ERMAP: variants seen among roughly 807,000 people sequenced by gnomAD.
ERMAP encodes erythroblast membrane associated protein (Scianna blood group).
Under a neutral mutation model 49.5 loss-of-function variants are expected in ERMAP, and 34 were observed. That is an observed-to-expected ratio of 0.69 (90% CI 0.52 to 0.91). ERMAP has a LOEUF of 0.91. Among genes scored for constraint, ERMAP ranks in the 40% least tolerant of loss-of-function variants. The probability of loss-of-function intolerance (pLI) is 0.00; values close to 1 mark genes in which losing one functional copy is unlikely to be tolerated. For missense variants in ERMAP, 541 were observed against 582.6 expected (o/e 0.93, Z 0.74); for synonymous variants, 214 against 232.2 (o/e 0.92, Z 0.71).
In ERMAP at chr1:42,842,608, T is replaced by A; in HGVS notation, c.804T>A (p.Pro268=). 1.2e-6 allele frequency: 2 copies of A among 1,614,200 alleles called. No homozygotes were observed. The highest frequency in any genetic ancestry group is 1.7e-6 in the Non-Finnish European group (2 of 1,180,036). The change falls in exon 12 of 12, where the codon CCT becomes CCA. Residue 268 remains proline, a synonymous_variant. Transcript: ENST00000372517. ...RCVRLGDRRQ[P]VPDNPQRFDF... is the part of the protein sequence containing the mutation. ...TAAGGCTTGGAGACAGACGGCAGCC[T>A]GTACCTGACAACCCCCAGAGATTTG...
intron 1 of ERMAP, among the ~76,000 whole-genome samples, chr1:42,822,754 C>G (rs978582406): frequency 2.6e-5 from 4 of 152,168 alleles, no homozygotes; most frequent in African/African-American, 9.7e-5. Context: ...TTGAACAAAT[C>G]TCTCCCTATC....
chr1:42,832,045 T>G (rs1358471296), intron 4 of ERMAP, among the ~76,000 whole-genome samples: 5 of 152,190 alleles, frequency 3.3e-5, no homozygotes, highest in Admixed American at 6.5e-5. Flanking sequence ...TGGCTTCACA[T>G]GGTCACATGC....
rs536714592 is a variant in ERMAP, at chr1:42,843,925, C to G, written c.*693C>G. On this transcript the variant is annotated 3_prime_UTR_variant, in exon 12 of 12. Coordinates refer to ENST00000372517, the MANE Select transcript of ERMAP (RefSeq NM_001017922.2). ...ATACAGTTGCTATAATCCTGAAAAGCCCCAGGAGCACATCAGGGAGCTGGG... is the reference window on the plus strand; with the variant it reads ...ATACAGTTGCTATAATCCTGAAAAGGCCCAGGAGCACATCAGGGAGCTGGG... 5.0e-6 allele frequency: 2 copies of G among 396,792 alleles called. No individual in the cohort carries two copies. Among genetic ancestry groups the G allele is most frequent in the Non-Finnish European group, 8.9e-6 (2 of 225,402 alleles). The allele number at this position is 396,792 out of a possible 1,614,324, so 24.6% of individuals were successfully genotyped here.
chr1:42,830,569 A>C, intron 3 of ERMAP, 36 bp downstream of exon 3: 1 of 1,598,122 alleles, frequency 6.3e-7, no homozygotes, highest in Non-Finnish European at 8.6e-7. Flanking sequence ...TGCCTGGTAC[A>C]TGTGATATTG....
At chr1:42,822,495 T>G (rs1260884182) in intron 1 of ERMAP, among the ~76,000 whole-genome samples, 1 of 152,218 alleles carries the variant, frequency 6.6e-6, no homozygotes, top group African/African-American at 2.4e-5. Flanking sequence ...TAATTAATTT[T>G]TAATTGACAC....
chr1:42,824,509 C>G (rs1367104659), intron 1 of ERMAP: 1 of 152,142 alleles, frequency 6.6e-6, no homozygotes, highest in East Asian at 1.9e-4. Flanking sequence ...TGTGAAACAA[C>G]CTGGATTAAT....
intron 2 of ERMAP, among the ~76,000 whole-genome samples, chr1:42,827,791 C>T (rs373779613): frequency 6.6e-6 from 1 of 152,172 alleles, no homozygotes; most frequent in South Asian, 2.1e-4. Context: ...GCTATATAGG[C>T]ATGCATTCAT....
intron 4 of ERMAP, 46 bp downstream of exon 4, chr1:42,831,161 C>T (rs369767907): frequency 2.3e-5 from 37 of 1,579,824 alleles, no homozygotes; most frequent in Non-Finnish European, 2.9e-5. Flanking sequence ...GGCAATTGGA[C>T]AAGCTTAATC....
chr1:42,830,111 C>A (rs1234029635), intron 2 of ERMAP: 2 of 258,674 alleles, frequency 7.7e-6, no homozygotes, highest in Non-Finnish European at 1.5e-5. Context: ...AGTTCTGGAT[C>A]CTCACTCATC....
chr1:42,821,245 T>A (rs990483948), intron 1 of ERMAP, among the ~76,000 whole-genome samples: 4 of 152,220 alleles, frequency 2.6e-5, no homozygotes, highest in Non-Finnish European at 5.9e-5. Flanking sequence ...TCATTTTAGA[T>A]CATTTTGGGA....
intron 1 of ERMAP, among the ~76,000 whole-genome samples, chr1:42,822,592 T>A (rs1272315487): frequency 6.6e-6 from 1 of 152,248 alleles, no homozygotes; most frequent in East Asian, 1.9e-4. Flanking sequence ...CATATTCATC[T>A]CAAACATTTA....
chr1:42,817,190 C>T lies in ERMAP; in HGVS notation c.-185C>T, dbSNP rs1654245996. ...GACCAAGAGGCTTGGGAGTCTGTAC[C>T]TTTCCCGACCGGGCCACTGGAAGTT... is the stretch of plus-strand genomic sequence containing the variant. On this transcript the variant is annotated 5_prime_UTR_variant, in exon 1 of 12. Coordinates refer to ENST00000372517, the MANE Select transcript of ERMAP (RefSeq NM_001017922.2). 1 of 1,250,346 alleles carries T rather than the reference C, an allele frequency of 8.0e-7. No homozygotes were observed. The highest frequency in any genetic ancestry group is 1.3e-5 in the South Asian group (1 of 76,760). The allele number at this position is 1,250,346 out of a possible 1,614,324, so 77.5% of individuals were successfully genotyped here. A position where few individuals can be genotyped will look rare whatever the true frequency, so the allele number is the denominator to read the frequency against.
intron 11 of ERMAP, among the ~76,000 whole-genome samples, chr1:42,841,467 T>A (rs1013644173): frequency 1.3e-5 from 2 of 152,232 alleles, no homozygotes; most frequent in African/African-American, 4.8e-5. Context: ...GTGTTATGAC[T>A]GCATGCCCAT....
At chr1:42,828,725 T>A (rs2124304743) in intron 2 of ERMAP, among the ~76,000 whole-genome samples, 1 of 152,270 alleles carries the variant, frequency 6.6e-6, no homozygotes, top group South Asian at 2.1e-4. Context: ...CTCTAACTCC[T>A]GAGCTCAAGT....
At chr1:42,820,111 T>TA (rs1191408831) in intron 1 of ERMAP, among the ~76,000 whole-genome samples, 3 of 152,212 alleles carry the variant, frequency 2.0e-5, no homozygotes, top group Non-Finnish European at 4.4e-5. Flanking sequence ...CTCAGAAGTT[T>TA]AACGGCATTG....
Position 42,842,842 on chromosome 1 carries a change from G to A in ERMAP, c.1038G>A (p.Gln346=). ...GNEYEALTSP[Q]TSFRLKEPPR... ...AGTATGAAGCTCTCACATCCCCGCA[G>A]ACCTCCTTCCGCCTTAAAGAGCCTC... Residue 346 remains glutamine (Q), a synonymous_variant, in exon 12 of 12, where the codon CAG becomes CAA. Transcript: ENST00000372517. 1 of 1,614,178 alleles carries A rather than the reference G, an allele frequency of 6.2e-7. No homozygotes were observed. The highest frequency in any genetic ancestry group is 8.5e-7 in the Non-Finnish European group (1 of 1,180,028).
intron 11 of ERMAP, among the ~76,000 whole-genome samples, chr1:42,840,773 T>C (rs1485041261): frequency 6.6e-6 from 1 of 152,228 alleles, no homozygotes. Flanking sequence ...CATTCATCTT[T>C]TTCTGTGTAG....
Position 42,843,798 on chromosome 1 carries a change from C to A in ERMAP, c.*566C>A. 2.9e-6 allele frequency: 1 copy of A among 347,494 alleles called. No homozygotes were observed. Among genetic ancestry groups the A allele is most frequent in the Non-Finnish European group, 5.1e-6 (1 of 194,706 alleles). The allele number at this position is 347,494 out of a possible 1,614,324, so 21.5% of individuals were successfully genotyped here. A position where few individuals can be genotyped will look rare whatever the true frequency, so the allele number is the denominator to read the frequency against. On this transcript the variant is annotated 3_prime_UTR_variant, in exon 12 of 12. Coordinates refer to ENST00000372517, the MANE Select transcript of ERMAP (RefSeq NM_001017922.2). ...AAAACATACCATCCTTTTCTATTTTCTTGATGCTGTTTACAACATAGTTTG... is the reference window on the plus strand; with the variant it reads ...AAAACATACCATCCTTTTCTATTTTATTGATGCTGTTTACAACATAGTTTG...
Position 42,843,369 on chromosome 1 carries a change from C to T in ERMAP, c.*137C>T, listed in dbSNP as rs1458606666. On this transcript the variant is annotated 3_prime_UTR_variant, in exon 12 of 12. Coordinates refer to ENST00000372517, the MANE Select transcript of ERMAP (RefSeq NM_001017922.2). ...GACCCTTTTGTGGTTTCTATTTGTA[C>T]CACTTTTCTCCCAGGCCTCAGTTCT... The T allele has an allele frequency of 3.3e-6, 2 of 602,350 alleles. No individual in the cohort carries two copies. The highest frequency in any genetic ancestry group is 5.6e-6 in the Non-Finnish European group (2 of 360,288). The allele number at this position is 602,350 out of a possible 1,614,324, so 37.3% of individuals were successfully genotyped here. A position where few individuals can be genotyped will look rare whatever the true frequency, so the allele number is the denominator to read the frequency against.
Sources: allele counts gnomAD v4.1 joint callset (sites outside exome capture counted in the v4.1 genomes callset), GRCh38; gene constraint gnomAD v4.1.1; transcripts MANE v1.5; gene names NCBI Gene and HGNC (gene_info 2026-07-23, HGNC 2026-07-21).